The following CSMD1 variants were observed in gnomAD, a reference collection of about 807,000 sequenced individuals.
CSMD1 encodes CUB and sushi domain-containing protein 1.
Under a neutral mutation model 417.5 loss-of-function variants are expected in CSMD1, and 213 were observed. The observed-to-expected ratio is 0.51, with a 90% CI of 0.46 to 0.57. The LOEUF (loss-of-function observed/expected upper bound fraction) is 0.57. Among genes scored for constraint, CSMD1 ranks in the 20% least tolerant of loss-of-function variants. The probability of loss-of-function intolerance (pLI) is 0.00; values close to 1 mark genes in which losing one functional copy is unlikely to be tolerated. For missense variants in CSMD1, 6,923 were observed against 4,529.7 expected (o/e 1.53, Z -15.17); for synonymous variants, 2,862 against 1,736.8 (o/e 1.65, Z -16.11).
chr8:4,127,150 G>T (rs1029496976), intron 3 of CSMD1, among the ~76,000 whole-genome samples: 2 of 152,004 alleles, frequency 1.3e-5, no homozygotes, highest in African/African-American at 4.8e-5. Context: ...CTTTGCATCT[G>T]CTGCAGAAAC....
chr8:4,881,124 C>A (rs1172775542), intron 1 of CSMD1, among the ~76,000 whole-genome samples: 2 of 151,992 alleles, frequency 1.3e-5, no homozygotes, highest in African/African-American at 2.4e-5. Context: ...GTATCACTGG[C>A]AATTATAATC....
rs371545522 is a variant in CSMD1, at chr8:3,552,350, A to T, written c.1344+22595T>A. Among the ~76,000 whole-genome samples, 167 of 152,330 alleles carry T rather than the reference A, an allele frequency of 1.1e-3. 1 individual carries two copies. Among genetic ancestry groups the T allele is most frequent in the African/African-American group, 3.9e-3 (161 of 41,574 alleles). ...TTCTCTTTTTTTTTGCATATTTCTA[A>T]ATTAAAGAAAACTAAATCTCCATGA... On this transcript the variant is annotated intron_variant, in intron 10 of 69. Coordinates refer to ENST00000635120, the MANE Select transcript of CSMD1 (RefSeq NM_033225.6).
intron 1 of CSMD1, among the ~76,000 whole-genome samples, chr8:4,749,266 A>G (rs1313570926): frequency 6.6e-6 from 1 of 152,258 alleles, no homozygotes; most frequent in African/African-American, 2.4e-5. Flanking sequence ...TGCTCATTTT[A>G]TAAATTTTAC....
At position 3,472,983 on chromosome 8, in the gene CSMD1, C is replaced by G. The variant is rs543688718; in HGVS notation, c.1449-4159G>C. Among the ~76,000 whole-genome samples, 7 of 152,180 alleles carry G rather than the reference C, an allele frequency of 4.6e-5. No individual in the cohort carries two copies. The South Asian group carries it at 1.5e-3, about 32-fold the overall frequency. On this transcript the variant is annotated intron_variant, in intron 11 of 69. Coordinates refer to ENST00000635120, the MANE Select transcript of CSMD1 (RefSeq NM_033225.6). Reference sequence around the variant, plus strand: ...CAGCTGAACACTGATTATCTCACACCCACCCCACCAAAGTAGGCTCCTAAC... The same window carrying G: ...CAGCTGAACACTGATTATCTCACACGCACCCCACCAAAGTAGGCTCCTAAC...
chr8:4,810,951 G>A (rs940287801), intron 1 of CSMD1, among the ~76,000 whole-genome samples: 3 of 152,166 alleles, frequency 2.0e-5, no homozygotes, highest in African/African-American at 7.2e-5. Context: ...GCATAAAATA[G>A]TGATGATATT....
chr8:4,062,615 G>C (rs1474876815), intron 3 of CSMD1, among the ~76,000 whole-genome samples: 1 of 151,832 alleles, frequency 6.6e-6, no homozygotes, highest in Non-Finnish European at 1.5e-5. Flanking sequence ...CTTAAAGCTG[G>C]AAAAACAGCA....
intron 2 of CSMD1, among the ~76,000 whole-genome samples, chr8:4,622,253 G>A (rs936477615): frequency 1.3e-5 from 2 of 151,984 alleles, no homozygotes; most frequent in African/African-American, 4.8e-5. Flanking sequence ...GAAGAAAAAG[G>A]CAAAAGAGGA....
At chr8:4,300,140 T>C (rs539589983) in intron 3 of CSMD1, among the ~76,000 whole-genome samples, 166 of 152,174 alleles carry the variant, frequency 1.1e-3, no homozygotes, top group Non-Finnish European at 2.1e-3. Flanking sequence ...TTTGACTGCA[T>C]AGTTATCTTT....
chr8:4,870,359 T>C (rs1055208550), intron 1 of CSMD1, among the ~76,000 whole-genome samples: 3 of 152,134 alleles, frequency 2.0e-5, no homozygotes, highest in African/African-American at 7.2e-5. Flanking sequence ...GCACTGCTAT[T>C]TATTTCACCT....
At chr8:4,586,060 G>C (rs1392741489) in intron 2 of CSMD1, among the ~76,000 whole-genome samples, 2 of 152,132 alleles carry the variant, frequency 1.3e-5, no homozygotes, top group African/African-American at 4.8e-5. Flanking sequence ...TATACATGGA[G>C]TACACATGAT....
chr8:4,177,778 G>A (rs112191728), intron 3 of CSMD1, among the ~76,000 whole-genome samples: 5 of 151,700 alleles, frequency 3.3e-5, no homozygotes, highest in South Asian at 4.2e-4. Flanking sequence ...AATACAAACT[G>A]CCATCAGAGA....
chr8:3,915,405 C>CAAAAAAAAAAAAAAAAAAAAAAAAAAA (rs778981187), intron 5 of CSMD1, among the ~76,000 whole-genome samples: 1 of 76,294 alleles, frequency 1.3e-5, no homozygotes, highest in Non-Finnish European at 2.6e-5. Flanking sequence ...GACTCTGTCT[C>CAAAAAAAAAAAAAAAAAAAAAAAAAAA]AAAAAAAAAA....
chr8:4,644,012 T>C (rs1803365568), intron 1 of CSMD1, among the ~76,000 whole-genome samples: 1 of 152,126 alleles, frequency 6.6e-6, no homozygotes. Flanking sequence ...TTATGGGAGA[T>C]TACTCACTAC....
rs116690666 is a variant in CSMD1 at position 4,399,819 on chromosome 8, A to G, written c.415+20134T>C. Among the ~76,000 whole-genome samples the G allele has an allele frequency of 5.7e-3, 870 of 152,324 alleles. 8 individuals are homozygous for G. The highest frequency in any genetic ancestry group is 0.02 in the African/African-American group (818 of 41,572). ...CATCTGCTTTTAGGAAGCTATTAAAATAAGTTTTCTAAGCCATTAAGGTGA... is the reference window on the plus strand; with the variant it reads ...CATCTGCTTTTAGGAAGCTATTAAAGTAAGTTTTCTAAGCCATTAAGGTGA... On this transcript the variant is annotated intron_variant, in intron 3 of 69. Transcript: ENST00000635120.
chr8:4,638,533 T>C (rs963896702), intron 1 of CSMD1, among the ~76,000 whole-genome samples: 2 of 152,226 alleles, frequency 1.3e-5, no homozygotes, highest in Non-Finnish European at 2.9e-5. Context: ...TATTGATGTC[T>C]ACCCGTTCAC....
At chr8:4,189,406 C>T (rs956685304) in intron 3 of CSMD1, among the ~76,000 whole-genome samples, 3 of 152,108 alleles carry the variant, frequency 2.0e-5, no homozygotes, top group East Asian at 1.9e-4. Context: ...AAAAGTTTGC[C>T]TTTGTTATTA....
chr8:3,732,075 G>C (rs1338675908), intron 6 of CSMD1, among the ~76,000 whole-genome samples: 1 of 152,074 alleles, frequency 6.6e-6, no homozygotes. Context: ...TGACCAAAGA[G>C]CCTAATAAAA....
At chr8:4,570,721 C>A (rs917222251) in intron 2 of CSMD1, among the ~76,000 whole-genome samples, 1 of 152,186 alleles carries the variant, frequency 6.6e-6, no homozygotes, top group Non-Finnish European at 1.5e-5. Flanking sequence ...AGGAATGGTA[C>A]AAGCTCCTCT....
intron 3 of CSMD1, among the ~76,000 whole-genome samples, chr8:4,047,530 T>TTCAC (rs375669652): frequency 1.9e-4 from 29 of 151,984 alleles, no homozygotes; most frequent in Non-Finnish European, 2.9e-4. Flanking sequence ...CATTCATTCA[T>TTCAC]TCATTCATTC....
Sources: gnomAD v4.1 joint callset for allele counts (sites outside exome capture counted in the v4.1 genomes callset) on GRCh38, gnomAD v4.1.1 for gene constraint, MANE v1.5 for transcripts, NCBI Gene and HGNC (gene_info 2026-07-23, HGNC 2026-07-21) for gene names.